The following MIB1 variants were observed in gnomAD, a reference collection of about 807,000 sequenced individuals.
MIB1 encodes the protein E3 ubiquitin-protein ligase MIB1.
In MIB1, 278 loss-of-function variants were observed where a neutral mutation model predicts 124.5. That is an observed-to-expected ratio of 2.23 (90% confidence interval 2.02 to 2.47). The LOEUF is 2.47. Among genes scored for constraint, MIB1 ranks in the 30% most tolerant of loss-of-function variants. MIB1 has a pLI of 0.00. For missense variants in MIB1, 957 were observed against 1,254.4 expected (o/e 0.76, Z 3.58); for synonymous variants, 446 against 429.4 (o/e 1.04, Z -0.48).
intron 1 of MIB1, among the ~76,000 whole-genome samples, chr18:21,708,220 G>T (rs1054658061): frequency 6.6e-6 from 1 of 152,186 alleles, no homozygotes; most frequent in African/African-American, 2.4e-5. Context: ...GTAAAAAACA[G>T]CTCTGAACTT....
chr18:21,749,622 T>C (rs1195709889), intron 1 of MIB1, among the ~76,000 whole-genome samples: 3 of 150,326 alleles, frequency 2.0e-5, no homozygotes, highest in African/African-American at 7.4e-5. Context: ...ACATTTTTTC[T>C]AATTACTGCT....
At chr18:21,844,324 T>TTAGATTACCAGTA in intron 15 of MIB1, 71 bp downstream of exon 15, 2 of 1,443,340 alleles carry the variant, frequency 1.4e-6, no homozygotes, top group African/African-American at 1.4e-5. Flanking sequence ...TATTTACTGG[T>TTAGATTACCAGTA]AATCTAACCT....
At chr18:21,836,755 T>C (rs2042036998) in intron 12 of MIB1, among the ~76,000 whole-genome samples, 1 of 152,254 alleles carries the variant, frequency 6.6e-6, no homozygotes, top group South Asian at 2.1e-4. Context: ...TTTTAAATTT[T>C]CCAGAACTGT....
At chr18:21,778,028 T>C in intron 4 of MIB1, 75 bp from the exon 5 acceptor site, 2 of 991,286 alleles carry the variant, frequency 2.0e-6, no homozygotes, top group South Asian at 1.3e-5. Context: ...TCTGAATGAA[T>C]ATTCTTGCCT....
intron 1 of MIB1, among the ~76,000 whole-genome samples, chr18:21,720,153 A>G (rs923877794): frequency 6.6e-6 from 1 of 152,230 alleles, no homozygotes; most frequent in Non-Finnish European, 1.5e-5. Flanking sequence ...GCTTTGAAGG[A>G]AAGTTCTTCT....
At chr18:21,806,858 T>C (rs940424323) in intron 10 of MIB1, among the ~76,000 whole-genome samples, 2 of 152,138 alleles carry the variant, frequency 1.3e-5, no homozygotes, top group African/African-American at 4.8e-5. Context: ...CCTCACCTCG[T>C]GATCCACCTG....
At chr18:21,796,038 A>G (rs763330262) in intron 7 of MIB1, among the ~76,000 whole-genome samples, 15 of 152,208 alleles carry the variant, frequency 9.9e-5, no homozygotes, top group Non-Finnish European at 1.9e-4. Flanking sequence ...TGTATGATTT[A>G]TGCTTCTTTA....
intron 7 of MIB1, among the ~76,000 whole-genome samples, chr18:21,792,637 T>A (rs1343799524): frequency 2.0e-5 from 3 of 152,246 alleles, no homozygotes; most frequent in African/African-American, 4.8e-5. Context: ...ATCTCTGTTG[T>A]TATGATGCTT....
At position 21,741,706 on chromosome 18, in the gene MIB1, C is replaced by T. The variant is rs758651668; in HGVS notation, c.123C>T (p.Ser41=). The change falls in exon 1 of 21, where the codon AGC becomes AGT. Residue 41 remains serine, a synonymous_variant. Coordinates refer to ENST00000261537, the MANE Select transcript of MIB1 (RefSeq NM_020774.4). This position sits in a 1 kb window ranked among gnomAD's most constrained non-coding sequence, Gnocchi z 5.4. ...AGGGCCATGTGGGCACCGTCCGGAG[C>T]TTCGAGAGCCCCGAGGAGGTGGTGG... ...GGEGHVGTVR[S]FESPEEVVVV... is the part of the protein sequence containing the mutation. The T allele has an allele frequency of 5.0e-6, 8 of 1,611,514 alleles. No individual in the cohort carries two copies. In the Admixed American group the frequency reaches 1.3e-4, roughly 27 times the overall value.
intron 1 of MIB1, 99 bp from the exon 2 acceptor site, chr18:21,765,673 T>A: frequency 1.7e-6 from 2 of 1,144,150 alleles, no homozygotes; most frequent in South Asian, 1.6e-5. Context: ...TATTAGAATA[T>A]CTTGTAAAAT....
chr18:21,734,164 T>G (rs1476044574), intron 1 of MIB1, among the ~76,000 whole-genome samples: 2 of 151,166 alleles, frequency 1.3e-5, no homozygotes, highest in Admixed American at 1.3e-4. Flanking sequence ...TGGAGTGCAG[T>G]GGCACGATTT....
At chr18:21,799,435 T>C (rs2041625039) in intron 8 of MIB1, among the ~76,000 whole-genome samples, 1 of 152,028 alleles carries the variant, frequency 6.6e-6, no homozygotes, top group African/African-American at 2.4e-5. Flanking sequence ...CATTAATCTG[T>C]TGAATTATTT....
chr18:21,804,042 T>C (rs1331314890), intron 10 of MIB1, 28 bp downstream of exon 10: 2 of 1,448,068 alleles, frequency 1.4e-6, no homozygotes, highest in Admixed American at 3.4e-5. Context: ...ATATTTTAAG[T>C]AAACATTTAT....
At chr18:21,706,007 A>G (rs948807823) in intron 1 of MIB1, among the ~76,000 whole-genome samples, 2 of 152,232 alleles carry the variant, frequency 1.3e-5, no homozygotes, top group Admixed American at 1.3e-4. Flanking sequence ...AGCATTCTTC[A>G]TAACCCCTGC....
At position 21,861,334 on chromosome 18, in the gene MIB1, A is replaced by G. The variant is rs187802221; in HGVS notation, c.2880+2688A>G. ...TTTTTAAACATTTGAAGCTCCTAGC[A>G]TCTTGATTCCTTTCCCATAAGACAT... On this transcript the variant is annotated intron_variant, in intron 20 of 20. Transcript: ENST00000261537. Among the ~76,000 whole-genome samples the G allele has an allele frequency of 1.9e-3, 289 of 152,148 alleles. 3 individuals carry two copies. Among genetic ancestry groups the G allele is most frequent in the Non-Finnish European group, 2.9e-3 (198 of 67,984 alleles).
At chr18:21,798,053 T>G in intron 7 of MIB1, 31 bp from the exon 8 acceptor site, 1 of 1,609,748 alleles carries the variant, frequency 6.2e-7, no homozygotes, top group Non-Finnish European at 8.5e-7. Context: ...TACTTTAGAC[T>G]TGGAAACATG....
chr18:21,781,414 T>TATATATAA (rs1334794571), intron 6 of MIB1, among the ~76,000 whole-genome samples: 8 of 99,198 alleles, frequency 8.1e-5, no homozygotes, highest in African/African-American at 2.4e-4. Flanking sequence ...TATATATATA[T>TATATATAA]AAAATTATTA....
chr18:21,708,565 A>C (rs2040650931), intron 1 of MIB1, among the ~76,000 whole-genome samples: 2 of 152,130 alleles, frequency 1.3e-5, no homozygotes, highest in Admixed American at 1.3e-4. Flanking sequence ...CCGAGACAGG[A>C]GAATTGCTTG....
At chr18:21,851,852 T>C (rs1363137699) in intron 17 of MIB1, among the ~76,000 whole-genome samples, 1 of 152,124 alleles carries the variant, frequency 6.6e-6, no homozygotes, top group Admixed American at 6.5e-5. Context: ...GAGGAAAAGG[T>C]ATGGCTACAG....
Sources: allele counts gnomAD v4.1 joint callset (sites outside exome capture counted in the v4.1 genomes callset), GRCh38; gene constraint gnomAD v4.1.1; non-coding constraint Gnocchi (gnomAD v3.1); transcripts MANE v1.5; gene names NCBI Gene and HGNC (gene_info 2026-07-23, HGNC 2026-07-21).